Variants in DNAH9 observed in about 807,000 individuals in gnomAD.
The protein encoded by DNAH9 is DNAH9 variant protein.
DNAH9 carries 345 observed loss-of-function variants against 471.6 expected under a neutral mutation model. The observed-to-expected ratio is 0.73, with a 90% CI of 0.67 to 0.80. The LOEUF is 0.80. Among genes scored for constraint, DNAH9 ranks in the 30% least tolerant of loss-of-function variants. The pLI is 0.00. For synonymous variants in DNAH9, 2,093 were observed against 2,123.6 expected, an observed-to-expected ratio of 0.99 and a Z score of 0.40; for missense variants, 5,407 against 5,609.2, an observed-to-expected ratio of 0.96 and a Z score of 1.15.
intron 67 of DNAH9, among the ~76,000 whole-genome samples, chr17:11,959,266 G>A (rs1567578564): frequency 1.3e-5 from 2 of 152,254 alleles, no homozygotes; most frequent in Non-Finnish European, 2.9e-5. Context: ...TCATAACGTG[G>A]TAAGGGAAGA....
intron 6 of DNAH9, among the ~76,000 whole-genome samples, chr17:11,620,285 C>T (rs1181263001): frequency 1.3e-5 from 2 of 152,000 alleles, no homozygotes; most frequent in African/African-American, 2.4e-5. Flanking sequence ...GAGGCCAAGG[C>T]AGGTGGATCA....
At chr17:11,814,800 T>G (rs1351179446) in intron 45 of DNAH9, among the ~76,000 whole-genome samples, 2 of 152,190 alleles carry the variant, frequency 1.3e-5, no homozygotes, top group Middle Eastern at 3.2e-3. Flanking sequence ...GTTGACATGT[T>G]AGTGTTCAAC....
rs2075500032 is a variant in DNAH9, at chr17:11,745,072, C to A, written c.6387C>A (p.Asn2129Lys). 1 of 1,612,234 alleles carries A rather than the reference C, an allele frequency of 6.2e-7. No individual in the cohort carries two copies. Among genetic ancestry groups the A allele is most frequent in the African/African-American group, 1.3e-5 (1 of 74,882 alleles). Residue 2129 changes from asparagine to lysine, a missense_variant, in exon 31 of 69, where the codon AAC becomes AAA. By Grantham distance (94) the Asn-to-Lys change is moderately conservative. Coordinates refer to ENST00000262442, the MANE Select transcript of DNAH9 (RefSeq NM_001372.4). ...IVDLKLQAED[N>K]FVLKVVQLEE... ...ATCTGAAGCTCCAGGCTGAGGACAACTTTGTGCTCAAGGTACATGTGGTTT... is the reference window on the plus strand; with the variant it reads ...ATCTGAAGCTCCAGGCTGAGGACAAATTTGTGCTCAAGGTACATGTGGTTT...
Position 11,680,762 on chromosome 17 carries a change from A to AT in DNAH9, c.3618dup (p.Thr1207TyrfsTer13). ...ATGGAACAACATAAAAAAGGTGGCCATTACTGTGAAGCAGCAGGTGGCCCC... is the reference window on the plus strand; with the variant it reads ...ATGGAACAACATAAAAAAGGTGGCCATTTACTGTGAAGCAGCAGGTGGCCCC... On this transcript the variant is annotated frameshift_variant, in exon 19 of 69. Coordinates refer to ENST00000262442, the MANE Select transcript of DNAH9 (RefSeq NM_001372.4). LOFTEE classifies it high-confidence loss of function. The AT allele has an allele frequency of 6.2e-7, 1 of 1,614,086 alleles. No individual in the cohort carries two copies. The highest frequency in any genetic ancestry group is 8.5e-7 in the Non-Finnish European group (1 of 1,179,984).
At chr17:11,794,131 G>A (rs537213035) in intron 42 of DNAH9, among the ~76,000 whole-genome samples, 111 of 134,760 alleles carry the variant, frequency 8.2e-4, no homozygotes, top group Non-Finnish European at 1.2e-3. Context: ...TGCAAGCTCC[G>A]CCTCCCAGGT....
chr17:11,703,008 G>A (rs1415636899), intron 24 of DNAH9, among the ~76,000 whole-genome samples: 1 of 151,696 alleles, frequency 6.6e-6, no homozygotes, highest in Non-Finnish European at 1.5e-5. Flanking sequence ...CAGGAGAATG[G>A]CGTGAACCCG....
At chr17:11,748,148 CAAAAAAAAAAAAAA>C (rs71142241) in intron 32 of DNAH9, among the ~76,000 whole-genome samples, 17 of 64,668 alleles carry the variant, frequency 2.6e-4, no homozygotes, top group Admixed American at 2.0e-3. Flanking sequence ...ACTAAAAATA[CAAAAAAAAAAAAAA>C]AAAAAAAAAA....
chr17:11,711,206 C>G (rs1463161868), intron 26 of DNAH9, among the ~76,000 whole-genome samples: 1 of 152,022 alleles, frequency 6.6e-6, no homozygotes, highest in Non-Finnish European at 1.5e-5. Flanking sequence ...GTATTTTGCC[C>G]ATCCTGAGCC....
At position 11,690,340 on chromosome 17, in the gene DNAH9, C is replaced by T. The variant is rs61730178; in HGVS notation, c.4518C>T (p.Asp1506=). ...GGCAGAAGAAGCTGTCCACAGTGGA[C>T]GCTGTCATCTCTATCTGGTTTGAAG... ...SGWQKKLSTV[D]AVISIWFEVQ... is the part of the protein sequence containing the mutation. Residue 1506 remains aspartate, a synonymous_variant, in exon 20 of 69, where the codon GAC becomes GAT. Coordinates refer to ENST00000262442, the MANE Select transcript of DNAH9 (RefSeq NM_001372.4). 3,959 of 1,614,082 alleles carry T rather than the reference C, an allele frequency of 2.5e-3. 92 individuals are homozygous for T. In the African/African-American group the frequency reaches 0.047, roughly 19 times the overall value.
At chr17:11,648,398 G>A (rs1434346592) in intron 12 of DNAH9, among the ~76,000 whole-genome samples, 1 of 152,174 alleles carries the variant, frequency 6.6e-6, no homozygotes. Context: ...TTCACTGTGA[G>A]CAATATTGAA....
At chr17:11,655,036 C>G (rs909592374) in intron 14 of DNAH9, among the ~76,000 whole-genome samples, 1 of 151,800 alleles carries the variant, frequency 6.6e-6, no homozygotes, top group African/African-American at 2.4e-5. Flanking sequence ...AGAAGCTCCA[C>G]GAACAGAAGA....
intron 17 of DNAH9, among the ~76,000 whole-genome samples, chr17:11,672,885 C>T (rs1214487272): frequency 6.6e-6 from 1 of 152,198 alleles, no homozygotes; most frequent in Admixed American, 6.5e-5. Context: ...CTTTCCACCT[C>T]ACTTACTTGG....
chr17:11,644,542 G>A (rs1366309678), intron 10 of DNAH9, 89 bp from the exon 11 acceptor site: 2 of 928,010 alleles, frequency 2.2e-6, no homozygotes, highest in Non-Finnish European at 3.3e-6. Context: ...AGCTATTCAC[G>A]CTCTTCTTTG....
intron 32 of DNAH9, 119 bp downstream of exon 32, chr17:11,747,885 G>T (rs889987374): frequency 1.1e-6 from 1 of 906,276 alleles, no homozygotes; most frequent in Non-Finnish European, 1.7e-6. Flanking sequence ...TTGGAACCGC[G>T]GAGGGAGACA....
chr17:11,960,464 C>CAAAAAAAAAAAAAAAAAAAA (rs1976026483), intron 67 of DNAH9, among the ~76,000 whole-genome samples: 1 of 86,460 alleles, frequency 1.2e-5, no homozygotes. Context: ...AAAAAAAAAT[C>CAAAAAAAAAAAAAAAAAAAA]CAAAAGTGGC....
At chr17:11,777,871 G>A (rs1339145796) in intron 38 of DNAH9, among the ~76,000 whole-genome samples, 1 of 152,128 alleles carries the variant, frequency 6.6e-6, no homozygotes, top group Non-Finnish European at 1.5e-5. Flanking sequence ...ATCATCTAGT[G>A]AGGAAGACAT....
chr17:11,758,505 A>G (rs1174955860), intron 35 of DNAH9, among the ~76,000 whole-genome samples: 1 of 152,134 alleles, frequency 6.6e-6, no homozygotes, highest in African/African-American at 2.4e-5. Context: ...AAGATGCCAC[A>G]ATTTAGGGTC....
At chr17:11,763,137 A>C (rs2039364096) in intron 35 of DNAH9, among the ~76,000 whole-genome samples, 1 of 152,096 alleles carries the variant, frequency 6.6e-6, no homozygotes, top group Non-Finnish European at 1.5e-5. Flanking sequence ...TTCCCCAGGT[A>C]CTGAGAGGGG....
intron 4 of DNAH9, chr17:11,612,284 C>T (rs1009026813): frequency 1.9e-5 from 4 of 213,582 alleles, no homozygotes; most frequent in African/African-American, 6.9e-5. Flanking sequence ...CCATGCCTTC[C>T]AGGACCTGGG....
Sources: allele counts gnomAD v4.1 joint callset (sites outside exome capture counted in the v4.1 genomes callset), GRCh38; gene constraint gnomAD v4.1.1; transcripts MANE v1.5; gene names NCBI Gene and HGNC (gene_info 2026-07-23, HGNC 2026-07-21).